The following INPP5D variants were observed in gnomAD, a reference collection of about 807,000 sequenced individuals.
INPP5D encodes inositol polyphosphate-5-phosphatase D, also known as phosphatidylinositol 3,4,5-trisphosphate 5-phosphatase 1.
Under a neutral mutation model 122.9 loss-of-function variants are expected in INPP5D, and 33 were observed. The ratio of observed to expected loss-of-function variants is 0.27; its 90% CI spans 0.20 to 0.36. The LOEUF is 0.36. Ranked by LOEUF, INPP5D falls within the 10% of genes least tolerant of loss-of-function variation. The probability of loss-of-function intolerance (pLI) is 1.00; values close to 1 mark genes in which losing one functional copy is unlikely to be tolerated. For synonymous variants in INPP5D, 584 were observed against 576.2 expected, an observed-to-expected ratio of 1.01 and a Z score of -0.19; for missense variants, 1,053 against 1,412.7, an observed-to-expected ratio of 0.75 and a Z score of 4.08.
intron 25 of INPP5D, among the ~76,000 whole-genome samples, chr2:233,200,509 G>A (rs1040983343): frequency 1.3e-5 from 2 of 152,122 alleles, no homozygotes; most frequent in Admixed American, 1.3e-4. Flanking sequence ...CGTGCTGTCC[G>A]CCACATGGGG....
chr2:233,098,535 T>G (rs1439291835), intron 2 of INPP5D, among the ~76,000 whole-genome samples: 1 of 152,314 alleles, frequency 6.6e-6, no homozygotes, highest in East Asian at 1.9e-4. Flanking sequence ...ATCGGCCTCC[T>G]ATAAAATCCA....
At position 233,164,405 on chromosome 2, in the gene INPP5D, AGG is replaced by A; in HGVS notation, c.1537_1538del (p.Gly513HisfsTer34). 6.4e-7 allele frequency: 1 copy of A among 1,551,500 alleles called. No individual in the cohort carries two copies. ...SHICTDNVKT[G>X]IANTLGNKGA... ...ACATCTGTACTGACAACGTGAAGAC[AGG>A]CATTGCAAACACACTGGGTGAGCAG... On this transcript the variant is annotated frameshift_variant, in exon 13 of 27. Coordinates refer to ENST00000445964, the MANE Select transcript of INPP5D (RefSeq NM_001017915.3). LOFTEE classifies it high-confidence loss of function. The surrounding 1 kb of genome is among the most constrained non-coding windows in gnomAD (Gnocchi z 4.3).
chr2:233,199,350 G>A (rs1695270268), intron 25 of INPP5D, among the ~76,000 whole-genome samples: 1 of 140,138 alleles, frequency 7.1e-6, no homozygotes. Context: ...TTGCACCACT[G>A]CACCCCAGCC....
chr2:233,093,086 G>A (rs1411598104), intron 2 of INPP5D, among the ~76,000 whole-genome samples: 2 of 152,244 alleles, frequency 1.3e-5, no homozygotes, highest in Non-Finnish European at 2.9e-5. Flanking sequence ...TGAGGGCTTT[G>A]TGAAGTCAGG....
intron 2 of INPP5D, among the ~76,000 whole-genome samples, chr2:233,084,958 A>G (rs926164401): frequency 6.6e-6 from 1 of 152,206 alleles, no homozygotes; most frequent in Non-Finnish European, 1.5e-5. Flanking sequence ...GGACAGATCT[A>G]TTTTCCAAGC....
At chr2:233,115,104 T>C (rs1055962294) in intron 2 of INPP5D, among the ~76,000 whole-genome samples, 1 of 152,146 alleles carries the variant, frequency 6.6e-6, no homozygotes, top group African/African-American at 2.4e-5. Flanking sequence ...TGACCTCAGG[T>C]GATCCGCCCG....
rs761782269 is a variant in INPP5D at position 233,204,474 on chromosome 2, C to G, written c.3324C>G (p.Thr1108=). 2.5e-6 allele frequency: 4 copies of G among 1,588,842 alleles called. No homozygotes were observed. The highest frequency in any genetic ancestry group is 3.4e-6 in the Non-Finnish European group (4 of 1,168,976). ...GGDKSQGKPK[T]PVSSQAPVPA... ...ACAAGAGCCAAGGGAAGCCCAAGAC[C>G]CCGGTCAGCTCCCAGGCCCCGGTGC... Residue 1108 remains threonine (T), a synonymous_variant, in exon 26 of 27, where the codon ACC becomes ACG. Coordinates refer to ENST00000445964, the MANE Select transcript of INPP5D (RefSeq NM_001017915.3).
intron 4 of INPP5D, among the ~76,000 whole-genome samples, chr2:233,129,508 C>G (rs1386513107): frequency 6.6e-6 from 1 of 152,238 alleles, no homozygotes; most frequent in Non-Finnish European, 1.5e-5. Context: ...GGCCTGGGCT[C>G]TCTGCCTGTG....
Position 233,164,277 on chromosome 2 carries a change from C to G in INPP5D, c.1438-30C>G. 1 of 1,532,024 alleles carries G rather than the reference C, an allele frequency of 6.5e-7. No individual in the cohort carries two copies. 94.9% of individuals were successfully genotyped at this position (1,532,024 alleles called of 1,614,324 possible). On this transcript the variant is annotated intron_variant, in intron 12 of 26. Coordinates refer to ENST00000445964, the MANE Select transcript of INPP5D (RefSeq NM_001017915.3). The surrounding 1 kb of genome is among the most constrained non-coding windows in gnomAD (Gnocchi z 4.3). ...CCCTGGTTCACACCCTACACTTGGG[C>G]CGAGTATTGCAACGTTGTCCTCCCA...
Position 233,193,833 on chromosome 2 carries a change from G to A in INPP5D, c.2468G>A (p.Arg823Gln). The A allele has an allele frequency of 2.5e-6, 4 of 1,613,900 alleles. No homozygotes were observed. Among genetic ancestry groups the A allele is most frequent in the Non-Finnish European group, 3.4e-6 (4 of 1,179,890 alleles). ...GCAGGCGAGGGCTGCATTGCCCTTC[G>A]GTTAGAGGCCACAGAAACGCAGCTG... Reference protein sequence around the residue: ...ESYGEGCIALRLEATETQLPI... With the variant: ...ESYGEGCIALQLEATETQLPI... Residue 823 changes from arginine (R) to glutamine (Q), a missense_variant, in exon 23 of 27, where the codon CGG (arginine) becomes CAG (glutamine). Arg to Gln is a conservative substitution (Grantham distance 43). This residue lies in a region of INPP5D where 258 missense variants were observed against 439.1 expected (regional missense o/e 0.59). Coordinates refer to ENST00000445964, the MANE Select transcript of INPP5D (RefSeq NM_001017915.3).
At chr2:233,184,156 A>G (rs1280169778) in intron 19 of INPP5D, among the ~76,000 whole-genome samples, 1 of 152,142 alleles carries the variant, frequency 6.6e-6, no homozygotes, top group African/African-American at 2.4e-5. Context: ...CAGAGATGAA[A>G]TGAGGTCCGG....
intron 1 of INPP5D, among the ~76,000 whole-genome samples, chr2:233,065,073 A>AG: frequency 6.6e-6 from 1 of 152,172 alleles, no homozygotes; most frequent in East Asian, 1.9e-4. Flanking sequence ...AAGACCAGGA[A>AG]GGGGTATGTG....
chr2:233,067,779 C>T (rs72982236), intron 1 of INPP5D, among the ~76,000 whole-genome samples: 8,046 of 152,226 alleles, frequency 0.053, 561 homozygotes, highest in African/African-American at 0.16. Flanking sequence ...TCTCTAATGG[C>T]TAATGATGCC....
chr2:233,088,064 C>T (rs1691898832), intron 2 of INPP5D, among the ~76,000 whole-genome samples: 1 of 152,118 alleles, frequency 6.6e-6, no homozygotes, highest in South Asian at 2.1e-4. Flanking sequence ...CAAACTCTGC[C>T]TCCTGGATTC....
rs149676271 is a variant in INPP5D at position 233,172,882 on chromosome 2, C to T, written c.1989+1730C>T. On this transcript the variant is annotated intron_variant, in intron 17 of 26. Transcript: ENST00000445964. ...CACAATAAGTTTTTGTGTATCTAAA[C>T]ATTAAAAAGGTACAGTAAAAATATG... Among the ~76,000 whole-genome samples, 1,083 of 152,144 alleles carry T rather than the reference C, an allele frequency of 7.1e-3. 10 individuals are homozygous for T. Among genetic ancestry groups the T allele is most frequent in the African/African-American group, 0.024 (1,014 of 41,492 alleles).
intron 9 of INPP5D, among the ~76,000 whole-genome samples, chr2:233,151,744 G>T (rs1246119872): frequency 6.6e-6 from 1 of 152,196 alleles, no homozygotes; most frequent in East Asian, 1.9e-4. Flanking sequence ...CTAAATCCCA[G>T]AGCCAAAACA....
chr2:233,102,205 C>T (rs1385006372), intron 2 of INPP5D, among the ~76,000 whole-genome samples: 1 of 152,160 alleles, frequency 6.6e-6, no homozygotes, highest in Admixed American at 6.5e-5. Flanking sequence ...AAAACTTAGT[C>T]ACAAACATTA....
At chr2:233,101,923 G>A (rs1692326676) in intron 2 of INPP5D, among the ~76,000 whole-genome samples, 1 of 151,840 alleles carries the variant, frequency 6.6e-6, no homozygotes, top group Non-Finnish European at 1.5e-5. Flanking sequence ...ATTCTTCTGA[G>A]CTTCAGTTTA....
intron 5 of INPP5D, among the ~76,000 whole-genome samples, chr2:233,137,832 CA>C (rs746005379): frequency 1.3e-3 from 13 of 10,134 alleles, no homozygotes; most frequent in African/African-American, 3.2e-3. Context: ...AACTCCATCA[CA>C]AAAAAAAAAA....
Sources: allele counts gnomAD v4.1 joint callset (sites outside exome capture counted in the v4.1 genomes callset), GRCh38; gene constraint gnomAD v4.1.1; regional missense constraint gnomAD v4.1.1; non-coding constraint Gnocchi (gnomAD v3.1); transcripts MANE v1.5; gene names NCBI Gene and HGNC (gene_info 2026-07-23, HGNC 2026-07-21).